Variants in PELI1 observed in about 807,000 individuals in gnomAD.
The protein encoded by PELI1 is pellino E3 ubiquitin protein ligase 1, also known as E3 ubiquitin-protein ligase pellino homolog 1.
In PELI1, 15 loss-of-function variants were observed where a neutral mutation model predicts 41.3. That is an observed-to-expected ratio of 0.36 (90% CI 0.24 to 0.56). PELI1 has a LOEUF of 0.56. Ranked by LOEUF, PELI1 falls within the 20% of genes least tolerant of loss-of-function variation. The pLI is 0.82. For synonymous variants in PELI1, 178 were observed against 180.1 expected (o/e 0.99, Z 0.09); for missense variants, 403 against 525.5 (o/e 0.77, Z 2.28).
chr2:64,128,764 A>T (rs1406707191), intron 1 of PELI1, among the ~76,000 whole-genome samples: 2 of 152,172 alleles, frequency 1.3e-5, no homozygotes, highest in African/African-American at 2.4e-5. Flanking sequence ...CTCAGCAAGG[A>T]TCTCCTCTAT....
At chr2:64,129,129 TCA>T (rs1382929829) in intron 1 of PELI1, among the ~76,000 whole-genome samples, 2 of 152,136 alleles carry the variant, frequency 1.3e-5, no homozygotes, top group East Asian at 3.8e-4. Flanking sequence ...TTTTTTGGTA[TCA>T]ATAAAAAGCA....
chr2:64,125,034 C>T (rs1681340232), intron 1 of PELI1, among the ~76,000 whole-genome samples: 1 of 143,160 alleles, frequency 7.0e-6, no homozygotes, highest in African/African-American at 2.6e-5. Context: ...AAAAAGAATG[C>T]AACCCAGGAA....
intron 1 of PELI1, among the ~76,000 whole-genome samples, chr2:64,123,787 C>T (rs1236187604): frequency 2.6e-5 from 4 of 152,140 alleles, no homozygotes; most frequent in Admixed American, 2.0e-4. Flanking sequence ...AATTCAATTC[C>T]TAGGTATATA....
intron 1 of PELI1, among the ~76,000 whole-genome samples, chr2:64,125,902 T>C (rs754992643): frequency 1.3e-5 from 2 of 152,234 alleles, no homozygotes; most frequent in Non-Finnish European, 2.9e-5. Flanking sequence ...TTGTATAAAA[T>C]TGTCTTCAAG....
chr2:64,116,978 A>G (rs989965477), intron 1 of PELI1, among the ~76,000 whole-genome samples: 2 of 152,268 alleles, frequency 1.3e-5, no homozygotes, highest in Admixed American at 6.5e-5. Context: ...TGTTACTGTT[A>G]TAACTGTTTG....
chr2:64,122,167 G>C (rs1208309066), intron 1 of PELI1, among the ~76,000 whole-genome samples: 1 of 151,728 alleles, frequency 6.6e-6, no homozygotes, highest in East Asian at 1.9e-4. Context: ...GGGAATCAAA[G>C]TTACCAAACT....
intron 3 of PELI1, among the ~76,000 whole-genome samples, chr2:64,101,840 T>G (rs932482073): frequency 2.0e-5 from 3 of 150,092 alleles, no homozygotes; most frequent in Admixed American, 2.0e-4. Context: ...TTTTTTTTTT[T>G]TTTTGGAGAC....
At position 64,104,760 on chromosome 2, in the gene PELI1, T is replaced by C. The variant is rs551434650; in HGVS notation, c.142A>G (p.Lys48Glu). The change falls in exon 3 of 7, where the codon AAG becomes GAG. Residue 48 changes from lysine to glutamate, a missense_variant. Physicochemically the swap from Lys to Glu is moderately conservative, Grantham distance 56. Transcript: ENST00000358912. ...KSRFALFKRP[K>E]ANGVKPSTVH... is the part of the protein sequence containing the mutation. The stretch of plus-strand genomic sequence containing the variant: ...GTGCTGGGCTTCACCCCATTTGCCT[T>C]AGGTCTTTTAAACAAAGCAAACCTA... 6.2e-7 allele frequency: 1 copy of C among 1,613,710 alleles called. No individual in the cohort carries two copies. The highest frequency in any genetic ancestry group is 1.3e-5 in the African/African-American group (1 of 74,898).
intron 1 of PELI1, among the ~76,000 whole-genome samples, chr2:64,137,928 C>T (rs1488829954): frequency 6.6e-6 from 1 of 151,958 alleles, no homozygotes; most frequent in Non-Finnish European, 1.5e-5. Context: ...GTATAGCTTC[C>T]ATGGTGACTA....
chr2:64,131,617 C>G (rs1014204834), intron 1 of PELI1, among the ~76,000 whole-genome samples: 8 of 151,618 alleles, frequency 5.3e-5, no homozygotes, highest in Admixed American at 3.9e-4. Flanking sequence ...AGTAATCTCT[C>G]TCTTTTTTTT....
At chr2:64,106,291 G>A (rs887466911) in intron 2 of PELI1, 2 of 152,246 alleles carry the variant, frequency 1.3e-5, no homozygotes, top group South Asian at 2.1e-4. Flanking sequence ...ACCTTGTCCA[G>A]CTTCACTTCT....
intron 2 of PELI1, 41 bp downstream of exon 2, chr2:64,108,199 T>G: frequency 9.1e-7 from 1 of 1,097,780 alleles, no homozygotes; most frequent in East Asian, 2.4e-5. Flanking sequence ...AGTTAGCATA[T>G]ATTATTAAAC....
intron 2 of PELI1, chr2:64,106,356 G>A (rs1330310042): frequency 3.9e-5 from 6 of 152,232 alleles, no homozygotes; most frequent in Non-Finnish European, 8.8e-5. Context: ...ACCAGACACA[G>A]AGACAATTAC....
At chr2:64,137,773 C>T (rs796804961) in intron 1 of PELI1, among the ~76,000 whole-genome samples, 106 of 152,080 alleles carry the variant, frequency 7.0e-4, no homozygotes, top group African/African-American at 2.4e-3. Flanking sequence ...TGAAATATCA[C>T]GTGGCCAATC....
intron 4 of PELI1, among the ~76,000 whole-genome samples, chr2:64,097,520 T>C (rs1680282744): frequency 6.6e-6 from 1 of 152,154 alleles, no homozygotes; most frequent in South Asian, 2.1e-4. Context: ...TCAGAGGTAC[T>C]AGCTAGTAAA....
At chr2:64,101,121 A>G (rs1680414972) in intron 3 of PELI1, among the ~76,000 whole-genome samples, 1 of 152,196 alleles carries the variant, frequency 6.6e-6, no homozygotes. Flanking sequence ...AGAAAACAAT[A>G]GTACTGCTCT....
chr2:64,110,730 C>T lies in PELI1; in HGVS notation c.-69-2351G>A, dbSNP rs1321086316. ...TCACTTGAGGTCAGGAGTTCAAGAC[C>T]AGCCTGGCCAACATGGTGAAACCCC... On this transcript the variant is annotated intron_variant, in intron 1 of 6. Coordinates refer to ENST00000358912, the MANE Select transcript of PELI1 (RefSeq NM_020651.4). Among the ~76,000 whole-genome samples the T allele has an allele frequency of 3.3e-5, 5 of 152,012 alleles. No homozygotes were observed. In the East Asian group the frequency reaches 7.7e-4, roughly 23 times the overall value.
chr2:64,100,775 G>A (rs796710534), intron 3 of PELI1, among the ~76,000 whole-genome samples: 30 of 152,124 alleles, frequency 2.0e-4, no homozygotes, highest in African/African-American at 5.8e-4. Context: ...TGCCTAGGCT[G>A]GAGTGCAGTG....
chr2:64,108,516 C>A (rs13408188), intron 1 of PELI1, 137 bp from the exon 2 acceptor site: 25,822 of 469,216 alleles, frequency 0.055, 1,053 homozygotes, highest in African/African-American at 0.16. Flanking sequence ...GGACATTTTG[C>A]CCAATAATGA....
Sources: allele counts gnomAD v4.1 joint callset (sites outside exome capture counted in the v4.1 genomes callset), GRCh38; gene constraint gnomAD v4.1.1; transcripts MANE v1.5; gene names NCBI Gene and HGNC (gene_info 2026-07-23, HGNC 2026-07-21).